Variants in LRRN2 observed in about 807,000 individuals in gnomAD.
The protein encoded by LRRN2 is leucine rich repeat neuronal 2.
In LRRN2, 10 loss-of-function variants were observed where a neutral mutation model predicts 35.7. That is an observed-to-expected ratio of 0.28 (90% confidence interval 0.17 to 0.47). The LOEUF (loss-of-function observed/expected upper bound fraction) is 0.47, where lower values mean the gene tolerates loss of function less well. Ranked by LOEUF, LRRN2 falls within the 20% of genes least tolerant of loss-of-function variation. The pLI, the probability that LRRN2 is intolerant of heterozygous loss-of-function variation, is 0.99. For synonymous variants in LRRN2, 391 were observed against 409.6 expected (o/e 0.95, Z 0.55); for missense variants, 731 against 940.3 (o/e 0.78, Z 2.91).
At chr1:204,647,741 AC>A (rs1307543389) in intron 1 of LRRN2, among the ~76,000 whole-genome samples, 2 of 152,228 alleles carry the variant, frequency 1.3e-5, no homozygotes, top group Non-Finnish European at 2.9e-5. Context: ...AGTATCAAGA[AC>A]AAAGACCAGA....
At chr1:204,652,387 A>G (rs1296003623) in intron 1 of LRRN2, among the ~76,000 whole-genome samples, 1 of 151,036 alleles carries the variant, frequency 6.6e-6, no homozygotes, top group African/African-American at 2.4e-5. Context: ...GAGTCAGGTA[A>G]GAGGCAGCTG....
intron 1 of LRRN2, among the ~76,000 whole-genome samples, chr1:204,638,415 T>TC: frequency 7.6e-6 from 1 of 130,952 alleles, no homozygotes; most frequent in East Asian, 2.1e-4. Context: ...TTTTTTTTTT[T>TC]TTTTTTTTTT....
At chr1:204,644,022 A>G (rs2102603691) in intron 1 of LRRN2, among the ~76,000 whole-genome samples, 1 of 152,318 alleles carries the variant, frequency 6.6e-6, no homozygotes, top group East Asian at 1.9e-4. Flanking sequence ...AGAATCTGAC[A>G]TAGTATCTAG....
rs1055534458 is a variant in LRRN2, at chr1:204,619,105, C to T, written c.888G>A (p.Glu296=). The T allele has an allele frequency of 1.8e-5, 29 of 1,610,400 alleles. No individual in the cohort carries two copies. The highest frequency in any genetic ancestry group is 1.7e-4 in the Middle Eastern group (1 of 6,058). ...HLKELGLNNM[E]ELVSIDKFAL... ...CAAACTTGTCGATGGAGACCAGCTC[C>T]TCCATGTTGTTCAGTCCCAGCTCCT... The change falls in exon 2 of 2, where the codon GAG becomes GAA. Residue 296 remains glutamate (E), a synonymous_variant. Coordinates refer to ENST00000367177, the MANE Select transcript of LRRN2 (RefSeq NM_201630.2).
chr1:204,638,706 G>A (rs1277060091), intron 1 of LRRN2, among the ~76,000 whole-genome samples: 4 of 152,278 alleles, frequency 2.6e-5, no homozygotes, highest in East Asian at 3.9e-4. Flanking sequence ...CACCGCGCCC[G>A]GCCAGGTCTT....
At position 204,636,325 on chromosome 1, in the gene LRRN2, G is replaced by C. The variant is rs533608723; in HGVS notation, c.-226-16107C>G. ...AAATAAGTGGATTCACATGCACACAGAGGGGCACACTAAAAGAAGGATGAT... is the reference window on the plus strand; with the variant it reads ...AAATAAGTGGATTCACATGCACACACAGGGGCACACTAAAAGAAGGATGAT... On this transcript the variant is annotated intron_variant, in intron 1 of 1. Transcript: ENST00000367177. Among the ~76,000 whole-genome samples, 3 of 152,350 alleles carry C rather than the reference G, an allele frequency of 2.0e-5. No individual in the cohort carries two copies. The East Asian group carries it at 5.8e-4, about 29-fold the overall frequency.
chr1:204,672,124 G>A (rs1454010037), intron 1 of LRRN2, among the ~76,000 whole-genome samples: 3 of 152,218 alleles, frequency 2.0e-5, no homozygotes, highest in South Asian at 2.1e-4. Flanking sequence ...GGGAATAATC[G>A]TGTCTTAGAG....
intron 1 of LRRN2, among the ~76,000 whole-genome samples, chr1:204,670,994 G>A (rs1369002549): frequency 2.6e-5 from 4 of 152,196 alleles, no homozygotes; most frequent in Non-Finnish European, 4.4e-5. Context: ...GCTTGTTGAA[G>A]ACATGAGAAA....
intron 1 of LRRN2, among the ~76,000 whole-genome samples, chr1:204,683,374 G>T (rs1668994747): frequency 6.6e-6 from 1 of 152,056 alleles, no homozygotes; most frequent in Admixed American, 6.6e-5. Context: ...AATGAGGAGG[G>T]TGAGAGAAGA....
At chr1:204,624,795 C>T (rs1667213464) in intron 1 of LRRN2, among the ~76,000 whole-genome samples, 1 of 132,152 alleles carries the variant, frequency 7.6e-6, no homozygotes, top group African/African-American at 2.7e-5. Context: ...GGGAGGGTGG[C>T]AGGTGGTGAT....
intron 1 of LRRN2, among the ~76,000 whole-genome samples, chr1:204,639,806 T>G (rs1431915248): frequency 6.6e-6 from 1 of 152,154 alleles, no homozygotes; most frequent in Non-Finnish European, 1.5e-5. Flanking sequence ...TTATCCCCAT[T>G]GTGCAGATGA....
At chr1:204,677,909 G>A (rs1233957535) in intron 1 of LRRN2, among the ~76,000 whole-genome samples, 1 of 152,108 alleles carries the variant, frequency 6.6e-6, no homozygotes, top group African/African-American at 2.4e-5. Flanking sequence ...AGAAGACCCT[G>A]CCCTTGCACG....
At chr1:204,624,477 A>G (rs74372275) in intron 1 of LRRN2, among the ~76,000 whole-genome samples, 3,710 of 152,268 alleles carry the variant, frequency 0.024, 155 homozygotes, top group African/African-American at 0.083. Flanking sequence ...TCTCTTGGAA[A>G]GGCTGGTGCT....
intron 1 of LRRN2, among the ~76,000 whole-genome samples, chr1:204,683,269 G>T (rs368344467): frequency 1.3e-5 from 2 of 152,220 alleles, no homozygotes; most frequent in African/African-American, 4.8e-5. Flanking sequence ...GCAGGAGTGC[G>T]TGCACGCCTG....
At chr1:204,635,090 C>G (rs1054677263) in intron 1 of LRRN2, among the ~76,000 whole-genome samples, 2 of 152,116 alleles carry the variant, frequency 1.3e-5, no homozygotes, top group East Asian at 3.9e-4. Flanking sequence ...CCTGCCTACT[C>G]ACAGGACCAT....
intron 1 of LRRN2, among the ~76,000 whole-genome samples, chr1:204,656,010 C>T (rs564661380): frequency 7.9e-5 from 12 of 152,192 alleles, no homozygotes; most frequent in Non-Finnish European, 1.5e-4. Flanking sequence ...CCCAGGTTCA[C>T]GCCATTCTCC....
intron 1 of LRRN2, among the ~76,000 whole-genome samples, chr1:204,659,639 T>TGA (rs1491078163): frequency 1.4e-5 from 2 of 146,444 alleles, no homozygotes; most frequent in Non-Finnish European, 3.0e-5. Context: ...TGTGTGTGTG[T>TGA]GATGGATAGT....
chr1:204,637,168 G>A (rs1667855709), intron 1 of LRRN2, among the ~76,000 whole-genome samples: 2 of 152,132 alleles, frequency 1.3e-5, no homozygotes. Flanking sequence ...GTATTGGGGG[G>A]AAAATCCCCA....
rs1268406440 is a variant in LRRN2, at chr1:204,619,926, C to T, written c.67G>A (p.Val23Ile). The change falls in exon 2 of 2, where the codon GTA (valine) becomes ATA (isoleucine). Residue 23 changes from valine to isoleucine, a missense_variant. By Grantham distance (29) the Val-to-Ile change is conservative. Around this residue, in one of 3 missense-constraint regions of LRRN2, gnomAD observed 246 missense variants for 289.5 expected, o/e 0.85. Transcript: ENST00000367177. Reference protein sequence around the residue: ...VAGATAAVPVVPWHVPCPPQC... With the variant: ...VAGATAAVPVIPWHVPCPPQC... ...GGGGGGCAGGGAACATGCCAGGGTACCACGGGCACAGCGGCAGTGGCACCA... is the reference window on the plus strand; with the variant it reads ...GGGGGGCAGGGAACATGCCAGGGTATCACGGGCACAGCGGCAGTGGCACCA... 6.2e-7 allele frequency: 1 copy of T among 1,613,668 alleles called. No individual in the cohort carries two copies. Among genetic ancestry groups the T allele is most frequent in the East Asian group, 2.2e-5 (1 of 44,876 alleles).
Sources: gnomAD v4.1 joint callset for allele counts (sites outside exome capture counted in the v4.1 genomes callset) on GRCh38, gnomAD v4.1.1 for gene constraint, gnomAD v4.1.1 regional missense constraint, MANE v1.5 for transcripts, NCBI Gene and HGNC (gene_info 2026-07-23, HGNC 2026-07-21) for gene names.